CTNND2: variants seen among roughly 807,000 people sequenced by gnomAD.
CTNND2 encodes catenin delta-2.
A neutral mutation model predicts 144.4 loss-of-function variants in CTNND2; 22 were observed. The ratio of observed to expected loss-of-function variants is 0.15; its 90% confidence interval spans 0.11 to 0.22. The LOEUF (loss-of-function observed/expected upper bound fraction) is 0.22. CTNND2 is among the 10% of genes least tolerant of loss of function. The probability of loss-of-function intolerance (pLI) is 1.00; values close to 1 mark genes in which losing one functional copy is unlikely to be tolerated. For missense variants in CTNND2, 1,353 were observed against 1,618.8 expected, an observed-to-expected ratio of 0.84 and a Z score of 2.82; for synonymous variants, 751 against 695.6, an observed-to-expected ratio of 1.08 and a Z score of -1.25.
chr5:11,400,299 A>G (rs1561337832), intron 5 of CTNND2, among the ~76,000 whole-genome samples: 2 of 152,274 alleles, frequency 1.3e-5, no homozygotes, highest in East Asian at 3.9e-4. Flanking sequence ...GAAACAGGCT[A>G]TTGTCTTTAA....
Position 11,159,649 on chromosome 5 carries a change from A to C in CTNND2, c.2086T>G (p.Ser696Ala), listed in dbSNP as rs372494009. 9.3e-6 allele frequency: 15 copies of C among 1,613,554 alleles called. No homozygotes were observed. Among genetic ancestry groups the C allele is most frequent in the African/African-American group, 1.3e-5 (1 of 74,894 alleles). The change falls in exon 12 of 22, where the codon TCG becomes GCG. Residue 696 changes from serine to alanine, a missense_variant. Coordinates refer to ENST00000304623, the MANE Select transcript of CTNND2 (RefSeq NM_001332.4). Reference protein sequence around the residue: ...VIIPHSGWENSPLQDDRKIQL... With the variant: ...VIIPHSGWENAPLQDDRKIQL... ...ATTTTCCGATCATCCTGAAGAGGCG[A>C]ATTTTCCCAGCCTGAGTGGGGGATA... is the stretch of plus-strand genomic sequence containing the variant.
At chr5:11,784,435 TCTAAAATGACCC>T (rs1790721896) in intron 1 of CTNND2, among the ~76,000 whole-genome samples, 1 of 152,144 alleles carries the variant, frequency 6.6e-6, no homozygotes, top group Non-Finnish European at 1.5e-5. Context: ...TAGGCAAAAC[TCTAAAATGACCC>T]CCATGTAATC....
Position 11,131,581 on chromosome 5 carries a change from A to T in CTNND2, c.2160-14014T>A, listed in dbSNP as rs191780753. 3.3e-3 allele frequency among the ~76,000 whole-genome samples: 505 copies of T among 152,266 alleles called. 12 individuals carry two copies. Among genetic ancestry groups the T allele is most frequent in the Admixed American group, 0.031 (473 of 15,296 alleles). On this transcript the variant is annotated intron_variant, in intron 12 of 21. Coordinates refer to ENST00000304623, the MANE Select transcript of CTNND2 (RefSeq NM_001332.4). ...GGCTGGCGGATAACGAGGTCAGGAG[A>T]TCGAGACCATCCTGGCTAACATGGT...
chr5:11,687,872 C>A (rs773844585), intron 2 of CTNND2, among the ~76,000 whole-genome samples: 5 of 152,024 alleles, frequency 3.3e-5, no homozygotes, highest in Non-Finnish European at 5.9e-5. Context: ...TGGCATTGGA[C>A]CAAAGATTTG....
At chr5:11,028,894 G>C (rs1421768683) in intron 16 of CTNND2, among the ~76,000 whole-genome samples, 3 of 152,134 alleles carry the variant, frequency 2.0e-5, no homozygotes, top group Non-Finnish European at 1.5e-5. Flanking sequence ...ATGTTTAGTA[G>C]ATACAGGGTG....
intron 1 of CTNND2, among the ~76,000 whole-genome samples, chr5:11,843,978 G>C (rs928030637): frequency 3.9e-5 from 6 of 152,154 alleles, no homozygotes; most frequent in African/African-American, 1.2e-4. Flanking sequence ...AAACACTGCT[G>C]TCTTTAAGAA....
intron 1 of CTNND2, among the ~76,000 whole-genome samples, chr5:11,869,559 C>T (rs983654399): frequency 4.6e-5 from 7 of 152,164 alleles, no homozygotes; most frequent in Non-Finnish European, 7.3e-5. Context: ...CTGATGTTGG[C>T]TATGGGCTGC....
chr5:11,800,314 G>C (rs1372537247), intron 1 of CTNND2, among the ~76,000 whole-genome samples: 7 of 152,076 alleles, frequency 4.6e-5, no homozygotes, highest in Non-Finnish European at 1.0e-4. Context: ...ATACGATATG[G>C]TTTAAAGATA....
chr5:11,883,261 C>A (rs985992799), intron 1 of CTNND2, among the ~76,000 whole-genome samples: 5 of 152,114 alleles, frequency 3.3e-5, no homozygotes, highest in African/African-American at 1.2e-4. Context: ...ATACACGTGA[C>A]ATGGTGGTTT....
At chr5:11,720,785 GTTCA>G (rs1786631785) in intron 2 of CTNND2, among the ~76,000 whole-genome samples, 1 of 152,162 alleles carries the variant, frequency 6.6e-6, no homozygotes, top group African/African-American at 2.4e-5. Context: ...TGGTCTAGCA[GTTCA>G]TTTCAGTGTT....
At chr5:11,765,396 G>A (rs978723158) in intron 1 of CTNND2, among the ~76,000 whole-genome samples, 10 of 152,138 alleles carry the variant, frequency 6.6e-5, no homozygotes, top group African/African-American at 2.4e-4. Flanking sequence ...CAAGGTTCCA[G>A]GCTGCCAGGT....
chr5:11,492,136 A>G (rs1029287347), intron 3 of CTNND2, among the ~76,000 whole-genome samples: 3 of 152,202 alleles, frequency 2.0e-5, no homozygotes, highest in African/African-American at 7.2e-5. Flanking sequence ...ATATCGCTTT[A>G]TGATGCTAAT....
chr5:11,658,418 C>T (rs535223596), intron 2 of CTNND2, among the ~76,000 whole-genome samples: 7 of 152,158 alleles, frequency 4.6e-5, no homozygotes, highest in African/African-American at 1.4e-4. Flanking sequence ...GTGAATAGCT[C>T]GGTGACAGTG....
At chr5:11,741,088 G>A (rs1197512513) in intron 1 of CTNND2, among the ~76,000 whole-genome samples, 1 of 152,158 alleles carries the variant, frequency 6.6e-6, no homozygotes, top group Admixed American at 6.5e-5. Flanking sequence ...GAGAGGATGT[G>A]GAGAAATAAG....
intron 13 of CTNND2, among the ~76,000 whole-genome samples, chr5:11,111,454 G>A (rs1411487896): frequency 6.6e-6 from 1 of 152,112 alleles, no homozygotes; most frequent in African/African-American, 2.4e-5. Context: ...CAGCTCTGGT[G>A]GGGGGCATAT....
chr5:11,106,329 C>G (rs1258970013), intron 14 of CTNND2, among the ~76,000 whole-genome samples: 1 of 152,174 alleles, frequency 6.6e-6, no homozygotes, highest in Non-Finnish European at 1.5e-5. Context: ...GATTGGTTCG[C>G]CACGTCATGG....
chr5:11,093,391 G>T (rs2149657323), intron 15 of CTNND2, among the ~76,000 whole-genome samples: 1 of 152,230 alleles, frequency 6.6e-6, no homozygotes, highest in South Asian at 2.1e-4. Flanking sequence ...CTATAAATGA[G>T]AAAAAGGTAA....
chr5:11,593,914 G>C (rs1208992434), intron 2 of CTNND2, among the ~76,000 whole-genome samples: 1 of 129,244 alleles, frequency 7.7e-6, no homozygotes, highest in Non-Finnish European at 1.7e-5. Context: ...CAGAGAGACA[G>C]ATAATGCCCA....
intron 16 of CTNND2, among the ~76,000 whole-genome samples, chr5:11,061,855 C>A (rs1747023423): frequency 6.6e-6 from 1 of 152,042 alleles, no homozygotes; most frequent in African/African-American, 2.4e-5. Flanking sequence ...ACTATGGGCA[C>A]CCACTACCAC....
Sources: allele counts gnomAD v4.1 joint callset (sites outside exome capture counted in the v4.1 genomes callset), GRCh38; gene constraint gnomAD v4.1.1; transcripts MANE v1.5; gene names NCBI Gene and HGNC (gene_info 2026-07-23, HGNC 2026-07-21).